DPY19L4: variants seen among roughly 807,000 people sequenced by gnomAD.
DPY19L4 encodes the protein probable C-mannosyltransferase DPY19L4.
A neutral mutation model predicts 102.8 loss-of-function variants in DPY19L4; 97 were observed. The ratio of observed to expected loss-of-function variants is 0.94; its 90% CI spans 0.80 to 1.12. The LOEUF (loss-of-function observed/expected upper bound fraction) is 1.12. DPY19L4 is among the 50% of genes most tolerant of loss of function. The pLI, the probability that DPY19L4 is intolerant of heterozygous loss-of-function variation, is 0.00. For missense variants in DPY19L4, 815 were observed against 850.4 expected, an observed-to-expected ratio of 0.96 and a Z score of 0.52; for synonymous variants, 252 against 283.1, an observed-to-expected ratio of 0.89 and a Z score of 1.10.
chr8:94,786,839 C>T (rs911879719), intron 17 of DPY19L4, among the ~76,000 whole-genome samples: 12 of 152,164 alleles, frequency 7.9e-5, no homozygotes, highest in African/African-American at 2.2e-4. Flanking sequence ...TGAGACACTG[C>T]GCCTGGCCAA....
chr8:94,768,341 G>T, intron 11 of DPY19L4, 54 bp from the exon 12 acceptor site: 1 of 1,407,588 alleles, frequency 7.1e-7, no homozygotes, highest in Non-Finnish European at 9.7e-7. Context: ...AAATACTTCT[G>T]TGTTCAGTTT....
At chr8:94,786,585 T>C (rs556527216) in intron 17 of DPY19L4, among the ~76,000 whole-genome samples, 1 of 152,090 alleles carries the variant, frequency 6.6e-6, no homozygotes, top group Non-Finnish European at 1.5e-5. Context: ...TTAGAGAATT[T>C]CGTAAAGGCT....
chr8:94,791,056 A>AT lies in DPY19L4; in HGVS notation c.*1148dup, dbSNP rs1162130929. The AT allele has an allele frequency of 2.6e-5, 4 of 152,126 alleles. No individual in the cohort carries two copies. Among genetic ancestry groups the AT allele is most frequent in the African/African-American group, 7.2e-5 (3 of 41,440 alleles). 9.4% of individuals were successfully genotyped at this position (152,126 alleles called of 1,614,324 possible). A position where few individuals can be genotyped will look rare whatever the true frequency, so the allele number is the denominator to read the frequency against. Reference sequence around the variant, plus strand: ...AAAGTTAATTTGGCCTTATAGAGAGATTCAGGATAGATGTAGCCTATAGAT... The same window carrying AT: ...AAAGTTAATTTGGCCTTATAGAGAGATTTCAGGATAGATGTAGCCTATAGAT... On this transcript the variant is annotated 3_prime_UTR_variant, in exon 19 of 19. Transcript: ENST00000414645.
chr8:94,728,786 G>C (rs1810804386), intron 2 of DPY19L4, among the ~76,000 whole-genome samples: 1 of 152,190 alleles, frequency 6.6e-6, no homozygotes, highest in Non-Finnish European at 1.5e-5. Context: ...TTTGACTACA[G>C]GAAAGAGATC....
intron 16 of DPY19L4, 141 bp from the exon 17 acceptor site, chr8:94,783,529 A>T (rs929968618): frequency 8.3e-7 from 1 of 1,206,822 alleles, no homozygotes; most frequent in Admixed American, 3.1e-5. Flanking sequence ...TGAATCCATG[A>T]ATGAAATGAA....
chr8:94,746,211 A>C (rs1187904318), intron 6 of DPY19L4, among the ~76,000 whole-genome samples: 1 of 151,176 alleles, frequency 6.6e-6, no homozygotes, highest in African/African-American at 2.4e-5. Context: ...ACAGGCACCC[A>C]CCACCATGCC....
At position 94,787,905 on chromosome 8, in the gene DPY19L4, C is replaced by A. The variant is rs778646672; in HGVS notation, c.1860C>A (p.Ile620=). ...LLKRNENIYQ[I]YSKRSAEDIY... ...TTATATTCTTTCAGATCTACCAAATCTATTCAAAGCGATCTGCTGAGGATA... is the reference window on the plus strand; with the variant it reads ...TTATATTCTTTCAGATCTACCAAATATATTCAAAGCGATCTGCTGAGGATA... Residue 620 remains isoleucine (I), a synonymous_variant, in exon 18 of 19, where the codon ATC becomes ATA. Transcript: ENST00000414645. 1.4e-6 allele frequency: 2 copies of A among 1,389,668 alleles called. No individual in the cohort carries two copies. Among genetic ancestry groups the A allele is most frequent in the Admixed American group, 5.4e-5 (2 of 36,784 alleles). The allele number at this position is 1,389,668 out of a possible 1,614,324, so 86.1% of individuals were successfully genotyped here.
chr8:94,764,687 G>GTGTGTC (rs1469662306), intron 8 of DPY19L4, among the ~76,000 whole-genome samples: 16 of 75,448 alleles, frequency 2.1e-4, no homozygotes, highest in African/African-American at 1.2e-3. Context: ...GTGTCTGTGT[G>GTGTGTC]TGTATATATA....
chr8:94,759,219 A>C (rs1586373212), intron 7 of DPY19L4, among the ~76,000 whole-genome samples: 1 of 152,068 alleles, frequency 6.6e-6, no homozygotes, highest in Non-Finnish European at 1.5e-5. Context: ...GCTAGCTTTT[A>C]TTCCCTTATG....
rs569276539 is a variant in DPY19L4 at position 94,793,445 on chromosome 8, C to T, written c.*3535C>T. Reference sequence around the variant, plus strand: ...AGTGTAAATTGCCTTTTTTGTTAAACTTATTTTAAATGCTTTAGTATTTAA... The same window carrying T: ...AGTGTAAATTGCCTTTTTTGTTAAATTTATTTTAAATGCTTTAGTATTTAA... On this transcript the variant is annotated 3_prime_UTR_variant, in exon 19 of 19. Transcript: ENST00000414645. 3.3e-5 allele frequency: 5 copies of T among 152,190 alleles called. No homozygotes were observed. Among genetic ancestry groups the T allele is most frequent in the Non-Finnish European group, 7.4e-5 (5 of 67,992 alleles). The allele number at this position is 152,190 out of a possible 1,614,324, so 9.4% of individuals were successfully genotyped here. A position where few individuals can be genotyped will look rare whatever the true frequency, so the allele number is the denominator to read the frequency against.
At position 94,792,550 on chromosome 8, in the gene DPY19L4, A is replaced by C. The variant is rs1467843984; in HGVS notation, c.*2640A>C. The C allele has an allele frequency of 1.3e-5, 2 of 149,978 alleles. No homozygotes were observed. Among genetic ancestry groups the C allele is most frequent in the Non-Finnish European group, 3.0e-5 (2 of 67,584 alleles). 9.3% of individuals were successfully genotyped at this position (149,978 alleles called of 1,614,324 possible). The stretch of plus-strand genomic sequence containing the variant: ...GACGTGAGCCACTGCGCCCGGCGCA[A>C]GTCTTTGTTAAAAGTAGAGATGGAG... On this transcript the variant is annotated 3_prime_UTR_variant, in exon 19 of 19. Transcript: ENST00000414645.
intron 17 of DPY19L4, among the ~76,000 whole-genome samples, chr8:94,784,271 C>T (rs1394558293): frequency 6.8e-6 from 1 of 148,038 alleles, no homozygotes; most frequent in African/African-American, 2.5e-5. Flanking sequence ...AGTACAGTGG[C>T]GCAATCTCGG....
At chr8:94,752,725 C>T (rs1811995864) in intron 6 of DPY19L4, among the ~76,000 whole-genome samples, 2 of 149,854 alleles carry the variant, frequency 1.3e-5, no homozygotes, top group Admixed American at 1.3e-4. Context: ...AGTGCAGCGA[C>T]GTGATCTTGG....
chr8:94,767,937 CTT>C (rs1307540945), intron 11 of DPY19L4, among the ~76,000 whole-genome samples: 1 of 152,074 alleles, frequency 6.6e-6, no homozygotes, highest in Non-Finnish European at 1.5e-5. Flanking sequence ...TTATTTCGCT[CTT>C]TTTTTCTTTG....
In DPY19L4 at chr8:94,759,500, C is replaced by CTTTTTTT. The variant is rs1161705507; in HGVS notation, c.736-2183_736-2177dup. ...AGCCACTGTGCCTGGTCTACATGTT[C>CTTTTTTT]TTTTTTTTTTTTTTTTTTTTTTTGA... On this transcript the variant is annotated intron_variant, in intron 7 of 18. Transcript: ENST00000414645. 9.5e-4 allele frequency among the ~76,000 whole-genome samples: 64 copies of CTTTTTTT among 67,524 alleles called. 1 individual carries two copies. Among genetic ancestry groups the CTTTTTTT allele is most frequent in the African/African-American group, 1.2e-3 (22 of 18,150 alleles). 44.3% of individuals were successfully genotyped at this position (67,524 alleles called of 152,430 possible). A position where few individuals can be genotyped will look rare whatever the true frequency, so the allele number is the denominator to read the frequency against.
chr8:94,780,990 G>T, intron 15 of DPY19L4, 94 bp from the exon 16 acceptor site: 1 of 1,028,724 alleles, frequency 9.7e-7, no homozygotes. Context: ...AAGTTAGTCT[G>T]TTAGTCTTTT....
intron 13 of DPY19L4, among the ~76,000 whole-genome samples, chr8:94,774,608 C>G (rs1363136457): frequency 7.4e-6 from 1 of 135,880 alleles, no homozygotes; most frequent in Non-Finnish European, 1.6e-5. Flanking sequence ...GATGGAGTTT[C>G]ACCTTGTTGC....
intron 16 of DPY19L4, among the ~76,000 whole-genome samples, chr8:94,782,756 A>G (rs536929113): frequency 6.6e-6 from 1 of 152,336 alleles, no homozygotes; most frequent in African/African-American, 2.4e-5. Context: ...TTTTATACAA[A>G]TAGTTTTCTT....
chr8:94,723,236 G>A (rs1810546562), intron 1 of DPY19L4, among the ~76,000 whole-genome samples: 1 of 152,220 alleles, frequency 6.6e-6, no homozygotes, highest in South Asian at 2.1e-4. Flanking sequence ...ACTTTGGGAG[G>A]CCGAGGCGGG....
Sources: allele counts gnomAD v4.1 joint callset (sites outside exome capture counted in the v4.1 genomes callset), GRCh38; gene constraint gnomAD v4.1.1; transcripts MANE v1.5; gene names NCBI Gene and HGNC (gene_info 2026-07-23, HGNC 2026-07-21).